STARD13: variants seen among roughly 807,000 people sequenced by gnomAD.
STARD13 encodes the protein stAR-related lipid transfer protein 13.
STARD13 carries 62 observed loss-of-function variants against 106.4 expected under a neutral mutation model. The observed-to-expected ratio is 0.58, with a 90% CI of 0.48 to 0.72. The LOEUF is 0.72. STARD13 is among the 30% of genes least tolerant of loss of function. The pLI is 0.00. For missense variants in STARD13, 1,387 were observed against 1,424.0 expected, an observed-to-expected ratio of 0.97 and a Z score of 0.42; for synonymous variants, 565 against 553.0, an observed-to-expected ratio of 1.02 and a Z score of -0.31.
chr13:33,129,600 G>A lies in STARD13; in HGVS notation c.1077C>T (p.Arg359=), dbSNP rs200783157. The A allele has an allele frequency of 3.0e-5, 49 of 1,613,940 alleles. No individual in the cohort carries two copies. The highest frequency in any genetic ancestry group is 1.6e-4 in the Middle Eastern group (1 of 6,084). The change falls in exon 5 of 14, where the codon CGC becomes CGT. Residue 359 remains arginine (R), a synonymous_variant. Transcript: ENST00000336934. ...CTAGGTCCTCCAAGTACATGCCCCC[G>A]CGCTTGTTGGCCTCGTGGCACTTGC... ...KERKCHEANK[R]GGMYLEDLDV... is the part of the protein sequence containing the mutation.
intron 3 of STARD13, among the ~76,000 whole-genome samples, chr13:33,149,231 T>C (rs1016162645): frequency 6.6e-6 from 1 of 152,026 alleles, no homozygotes; most frequent in Non-Finnish European, 1.5e-5. Context: ...GTAGGTTCAT[T>C]GATTCTAGAA....
At chr13:33,225,525 A>G (rs1888579821) in intron 1 of STARD13, among the ~76,000 whole-genome samples, 1 of 152,232 alleles carries the variant, frequency 6.6e-6, no homozygotes, top group Non-Finnish European at 1.5e-5. Flanking sequence ...TCCTATGAAT[A>G]AAACAGAAGA....
At chr13:33,614,700 G>A in the STARD13 span, among the ~76,000 whole-genome samples, 1 of 152,216 alleles carries the variant, frequency 6.6e-6, no homozygotes, top group Non-Finnish European at 1.5e-5. Flanking sequence ...TTTGACCTGT[G>A]ATTTTCAAGA....
chr13:33,141,337 C>A (rs1432998391), intron 4 of STARD13, among the ~76,000 whole-genome samples: 1 of 152,176 alleles, frequency 6.6e-6, no homozygotes, highest in Non-Finnish European at 1.5e-5. Context: ...ATTTACCTTC[C>A]TTATAGAGAA....
At chr13:33,577,616 A>G in the STARD13 span, among the ~76,000 whole-genome samples, 4 of 152,306 alleles carry the variant, frequency 2.6e-5, no homozygotes, top group South Asian at 2.1e-4. Flanking sequence ...AGACAATTCA[A>G]TGGAGGAAGG....
At chr13:33,185,542 G>A (rs1028035064) in intron 1 of STARD13, among the ~76,000 whole-genome samples, 2 of 152,046 alleles carry the variant, frequency 1.3e-5, no homozygotes, top group Admixed American at 1.3e-4. Context: ...GCTCAGCCTG[G>A]GTCCCTGATA....
the STARD13 span, among the ~76,000 whole-genome samples, chr13:33,410,837 G>A: frequency 6.6e-6 from 1 of 152,176 alleles, no homozygotes; most frequent in South Asian, 2.1e-4. Flanking sequence ...TGTGCAGGAG[G>A]TGGCCTCTCC....
chr13:33,510,597 A>G, the STARD13 span, among the ~76,000 whole-genome samples: 1 of 152,154 alleles, frequency 6.6e-6, no homozygotes, highest in Non-Finnish European at 1.5e-5. Flanking sequence ...AGCCAGGACA[A>G]TAAAAGCTCT....
At chr13:33,435,189 G>A in the STARD13 span, among the ~76,000 whole-genome samples, 3 of 152,170 alleles carry the variant, frequency 2.0e-5, no homozygotes, top group Admixed American at 2.0e-4. Context: ...TGACTTCTCT[G>A]CTACTCAAGG....
intron 1 of STARD13, among the ~76,000 whole-genome samples, chr13:33,189,430 CTTTCGGAG>C (rs1566062269): frequency 2.4e-3 from 33 of 13,628 alleles, no homozygotes; most frequent in Middle Eastern, 0.042. Flanking sequence ...CTCCTTCCTC[CTTTCGGAG>C]GAAGGAGGGA....
chr13:33,623,010 A>G, the STARD13 span, among the ~76,000 whole-genome samples: 2 of 151,796 alleles, frequency 1.3e-5, no homozygotes, highest in Non-Finnish European at 2.9e-5. Context: ...GAGGCAGGAG[A>G]ATTGCTTGAA....
intron 1 of STARD13, among the ~76,000 whole-genome samples, chr13:33,206,438 T>G (rs1476961931): frequency 6.6e-6 from 1 of 151,608 alleles, no homozygotes; most frequent in Non-Finnish European, 1.5e-5. Context: ...GCAAACCAAT[T>G]CCAAGGAGAA....
chr13:33,190,472 CA>C (rs1343972221), intron 1 of STARD13, among the ~76,000 whole-genome samples: 2 of 151,972 alleles, frequency 1.3e-5, no homozygotes, highest in African/African-American at 4.8e-5. Context: ...GGCATGAAAA[CA>C]AAACCCCAAG....
intron 1 of STARD13, among the ~76,000 whole-genome samples, chr13:33,310,105 G>C (rs1363268108): frequency 1.3e-5 from 2 of 152,164 alleles, no homozygotes; most frequent in African/African-American, 2.4e-5. Context: ...GGGCCACACT[G>C]AGTTCTTTTC....
intron 1 of STARD13, among the ~76,000 whole-genome samples, chr13:33,208,912 A>G (rs1887562738): frequency 6.6e-6 from 1 of 152,232 alleles, no homozygotes; most frequent in Non-Finnish European, 1.5e-5. Context: ...AGTGCTCACC[A>G]ATAGAGAACT....
At chr13:33,127,689 A>C (rs910041683) in intron 5 of STARD13, 143 bp from the exon 6 acceptor site, 2 of 745,382 alleles carry the variant, frequency 2.7e-6, no homozygotes, top group Admixed American at 3.7e-5. Flanking sequence ...AGAAGACACA[A>C]GTGTGCAGAA....
At chr13:33,486,810 T>A in the STARD13 span, among the ~76,000 whole-genome samples, 1 of 152,196 alleles carries the variant, frequency 6.6e-6, no homozygotes, top group East Asian at 1.9e-4. Flanking sequence ...TTCAAAAGAG[T>A]ACCTCCACAG....
the STARD13 span, among the ~76,000 whole-genome samples, chr13:33,618,730 G>C: frequency 7.9e-5 from 12 of 151,988 alleles, no homozygotes; most frequent in Non-Finnish European, 1.3e-4. Flanking sequence ...AACGTCAGAT[G>C]AGCCCCATAT....
the STARD13 span, among the ~76,000 whole-genome samples, chr13:33,644,327 T>C: frequency 6.6e-6 from 1 of 152,154 alleles, no homozygotes; most frequent in Non-Finnish European, 1.5e-5. Context: ...CAGATAATTA[T>C]CACAAAGTTA....
Sources: allele counts gnomAD v4.1 joint callset (sites outside exome capture counted in the v4.1 genomes callset), GRCh38; gene constraint gnomAD v4.1.1; transcripts MANE v1.5; gene names NCBI Gene and HGNC (gene_info 2026-07-23, HGNC 2026-07-21).